AMPH: variants seen among roughly 807,000 people sequenced by gnomAD.
AMPH encodes amphiphysin (Stiff-Mann syndrome with breast cancer 128kD autoantigen).
In AMPH, 49 loss-of-function variants were observed where a neutral mutation model predicts 99.1. The observed-to-expected ratio is 0.49, with a 90% confidence interval of 0.39 to 0.63. The LOEUF (loss-of-function observed/expected upper bound fraction) is 0.63. AMPH is among the 20% of genes least tolerant of loss of function. The probability of loss-of-function intolerance (pLI) is 0.00; values close to 1 mark genes in which losing one functional copy is unlikely to be tolerated. For synonymous variants in AMPH, 314 were observed against 317.3 expected (o/e 0.99, Z 0.11); for missense variants, 759 against 863.4 (o/e 0.88, Z 1.52).
chr7:38,468,166 C>T (rs1027712289), intron 7 of AMPH, among the ~76,000 whole-genome samples: 2 of 152,142 alleles, frequency 1.3e-5, no homozygotes, highest in Non-Finnish European at 2.9e-5. Flanking sequence ...CTTATAGTCC[C>T]TTACATTACC....
intron 1 of AMPH, among the ~76,000 whole-genome samples, chr7:38,542,593 C>T (rs1390692856): frequency 1.3e-5 from 2 of 152,138 alleles, no homozygotes; most frequent in East Asian, 1.9e-4. Flanking sequence ...CGCCACAGAA[C>T]GGGTCTGTTC....
chr7:38,484,449 G>A lies in AMPH; in HGVS notation c.396+6601C>T, dbSNP rs377027933. On this transcript the variant is annotated intron_variant, in intron 5 of 20. Transcript: ENST00000356264. ...GCAGGCCAGAAGGGCGTCAGATGAC[G>A]TATTTAAAGTGATGAAAGAACGAAA... 8.6e-5 allele frequency among the ~76,000 whole-genome samples: 13 copies of A among 152,016 alleles called. No homozygotes were observed. In the East Asian group the frequency reaches 1.7e-3, roughly 20 times the overall value.
intron 5 of AMPH, among the ~76,000 whole-genome samples, chr7:38,486,517 AT>A (rs1788500024): frequency 6.6e-6 from 1 of 152,090 alleles, no homozygotes; most frequent in East Asian, 1.9e-4. Context: ...TTAAAAAAGA[AT>A]TAATGCCAAT....
chr7:38,434,492 C>A (rs1403041076), intron 12 of AMPH, among the ~76,000 whole-genome samples: 4 of 152,124 alleles, frequency 2.6e-5, no homozygotes, highest in Non-Finnish European at 4.4e-5. Context: ...GTAATCCCAG[C>A]ACTTTGGGAG....
At chr7:38,387,439 C>A (rs1784377772) in intron 20 of AMPH, among the ~76,000 whole-genome samples, 3 of 151,984 alleles carry the variant, frequency 2.0e-5, no homozygotes, top group Admixed American at 2.0e-4. Flanking sequence ...AATGGAAACC[C>A]ATATGAAATA....
rs1562859937 is a variant in AMPH, at chr7:38,610,256, A to AGG, written c.69+21026_69+21027insCC. ...TCTCAAAAAAAAAAAAAAAAAAAAA[A>AGG]AAAAAAAGAAAGAAAGAAAGAAAGA... On this transcript the variant is annotated intron_variant, in intron 1 of 20. Coordinates refer to ENST00000356264, the MANE Select transcript of AMPH (RefSeq NM_001635.4). Among the ~76,000 whole-genome samples, 3 of 13,778 alleles carry AGG rather than the reference A, an allele frequency of 2.2e-4. 1 individual carries two copies. The highest frequency in any genetic ancestry group is 2.1e-3 in the African/African-American group (3 of 1,462). The allele number at this position is 13,778 out of a possible 152,430, so 9.0% of individuals were successfully genotyped here.
chr7:38,584,652 G>T (rs1467196355), intron 1 of AMPH, among the ~76,000 whole-genome samples: 1 of 152,154 alleles, frequency 6.6e-6, no homozygotes, highest in Non-Finnish European at 1.5e-5. Flanking sequence ...AAAAGGAAAA[G>T]AACCTCCTAG....
At chr7:38,453,911 G>C (rs1265869476) in intron 11 of AMPH, among the ~76,000 whole-genome samples, 1 of 152,216 alleles carries the variant, frequency 6.6e-6, no homozygotes, top group East Asian at 1.9e-4. Flanking sequence ...CTGGGCAGTA[G>C]CAAATGCAAA....
At chr7:38,449,391 T>C (rs866523309) in intron 11 of AMPH, among the ~76,000 whole-genome samples, 2 of 152,194 alleles carry the variant, frequency 1.3e-5, no homozygotes, top group Non-Finnish European at 2.9e-5. Context: ...TTCTAGAAAG[T>C]AGGACTAATG....
At position 38,422,439 on chromosome 7, in the gene AMPH, C is replaced by T; in HGVS notation, c.1254G>A (p.Gln418=). The change falls in exon 16 of 21, where the codon CAG becomes CAA. Residue 418 remains glutamine, a synonymous_variant. Coordinates refer to ENST00000356264, the MANE Select transcript of AMPH (RefSeq NM_001635.4). ...DTSLFTMQTD[Q]SMICNLAESE... ...AACTTACCAAGTTGCAGATCATACT[C>T]TGGTCTGTCTGCATTGTGAATAATG... 1.2e-6 allele frequency: 2 copies of T among 1,613,558 alleles called. No homozygotes were observed. The highest frequency in any genetic ancestry group is 1.3e-5 in the African/African-American group (1 of 74,994).
chr7:38,487,341 C>T (rs1395201920), intron 5 of AMPH, among the ~76,000 whole-genome samples: 1 of 152,066 alleles, frequency 6.6e-6, no homozygotes, highest in Non-Finnish European at 1.5e-5. Context: ...ACCAATGGAA[C>T]AGAACAGAGG....
chr7:38,407,066 A>C lies in AMPH; in HGVS notation c.1398+10759T>G, dbSNP rs1449067212. ...TCTCTCTCTATATATATATATATATATATATATATATGTGTGTGTGTGTGT... is the reference window on the plus strand; with the variant it reads ...TCTCTCTCTATATATATATATATATCTATATATATATGTGTGTGTGTGTGT... On this transcript the variant is annotated intron_variant, in intron 17 of 20. Transcript: ENST00000356264. 7.1e-4 allele frequency among the ~76,000 whole-genome samples: 17 copies of C among 23,804 alleles called. 2 individuals are homozygous for C. The East Asian group carries it at 0.016, about 23-fold the overall frequency. 15.6% of individuals were successfully genotyped at this position (23,804 alleles called of 152,430 possible). A position where few individuals can be genotyped will look rare whatever the true frequency, so the allele number is the denominator to read the frequency against.
chr7:38,485,214 CTATT>C (rs1399398426), intron 5 of AMPH, among the ~76,000 whole-genome samples: 1 of 151,896 alleles, frequency 6.6e-6, no homozygotes, highest in African/African-American at 2.4e-5. Flanking sequence ...AAAGATCCAA[CTATT>C]TATTGTCTAC....
chr7:38,540,692 CAAAAAAA>C (rs373768495), intron 1 of AMPH, among the ~76,000 whole-genome samples: 15 of 19,768 alleles, frequency 7.6e-4, no homozygotes, highest in Admixed American at 2.3e-3. Flanking sequence ...TGACCCCAAG[CAAAAAAA>C]AAAAAAAAAA....
At chr7:38,593,369 C>A (rs1281034775) in intron 1 of AMPH, among the ~76,000 whole-genome samples, 1 of 152,166 alleles carries the variant, frequency 6.6e-6, no homozygotes, top group African/African-American at 2.4e-5. Flanking sequence ...AAAGCTCAAG[C>A]AACTCCCAGT....
At chr7:38,433,585 C>T (rs1166890223) in intron 12 of AMPH, among the ~76,000 whole-genome samples, 2 of 137,954 alleles carry the variant, frequency 1.4e-5, no homozygotes, top group South Asian at 2.5e-4. Flanking sequence ...ATTAGCCGGG[C>T]GTAGTGGCGG....
rs535866176 is a variant in AMPH at position 38,569,475 on chromosome 7, A to G, written c.70-34464T>C. Among the ~76,000 whole-genome samples, 232 of 152,258 alleles carry G rather than the reference A, an allele frequency of 1.5e-3. 1 individual carries two copies. The highest frequency in any genetic ancestry group is 5.5e-3 in the African/African-American group (229 of 41,572). ...AAACACCAACTCACATATGAAAAACAGAACCACCTGATAGAAGTACTTGCC... is the reference window on the plus strand; with the variant it reads ...AAACACCAACTCACATATGAAAAACGGAACCACCTGATAGAAGTACTTGCC... On this transcript the variant is annotated intron_variant, in intron 1 of 20. Transcript: ENST00000356264.
chr7:38,629,404 C>T (rs1184970785), intron 1 of AMPH, among the ~76,000 whole-genome samples: 1 of 152,120 alleles, frequency 6.6e-6, no homozygotes, highest in African/African-American at 2.4e-5. Flanking sequence ...CGCTTGAAAC[C>T]CCCAAGAGGG....
At chr7:38,407,048 C>CTCTCTCTCTCTCTCTA (rs1241166935) in intron 17 of AMPH, among the ~76,000 whole-genome samples, 7 of 31,248 alleles carry the variant, frequency 2.2e-4, no homozygotes, top group East Asian at 2.2e-3. Flanking sequence ...CTCTCTCTCT[C>CTCTCTCTCTCTCTCTA]TATATATATA....
Sources: gnomAD v4.1 joint callset for allele counts (sites outside exome capture counted in the v4.1 genomes callset) on GRCh38, gnomAD v4.1.1 for gene constraint, MANE v1.5 for transcripts, NCBI Gene and HGNC (gene_info 2026-07-23, HGNC 2026-07-21) for gene names.